Variants in CFAP77 observed in about 807,000 individuals in gnomAD.
CFAP77 encodes cilia- and flagella-associated protein 77.
A neutral mutation model predicts 31.1 loss-of-function variants in CFAP77; 25 were observed. The ratio of observed to expected loss-of-function variants is 0.80; its 90% CI spans 0.59 to 1.12. The LOEUF (loss-of-function observed/expected upper bound fraction) is 1.12. Ranked by LOEUF, CFAP77 falls within the 50% of genes most tolerant of loss-of-function variation. The probability of loss-of-function intolerance (pLI) is 0.00; values close to 1 mark genes in which losing one functional copy is unlikely to be tolerated. For synonymous variants in CFAP77, 151 were observed against 159.9 expected (o/e 0.94, Z 0.42); for missense variants, 377 against 397.3 (o/e 0.95, Z 0.44).
At chr9:132,557,743 C>T (rs1012655283) in intron 5 of CFAP77, among the ~76,000 whole-genome samples, 1 of 152,182 alleles carries the variant, frequency 6.6e-6, no homozygotes, top group Admixed American at 6.5e-5. Flanking sequence ...GCACCTTCCC[C>T]AGCCCCTACC....
rs1564257011 is a variant in CFAP77, at chr9:132,573,093, A to G, written c.*583A>G. 2 of 152,406 alleles carry G rather than the reference A, an allele frequency of 1.3e-5. No homozygotes were observed. The highest frequency in any genetic ancestry group is 1.5e-5 in the Non-Finnish European group (1 of 68,272). 9.4% of individuals were successfully genotyped at this position (152,406 alleles called of 1,614,324 possible). A position where few individuals can be genotyped will look rare whatever the true frequency, so the allele number is the denominator to read the frequency against. ...CCTCCTCAGTGCTGGGGCCCCGTCA[A>G]TCAAGCAGGCCAAGTTGGACTCCTC... On this transcript the variant is annotated 3_prime_UTR_variant, in exon 6 of 6. Coordinates refer to ENST00000393216, the MANE Select transcript of CFAP77 (RefSeq NM_001282957.2).
chr9:132,472,321 C>T (rs1345191217), intron 1 of CFAP77, among the ~76,000 whole-genome samples: 5 of 152,158 alleles, frequency 3.3e-5, no homozygotes, highest in Non-Finnish European at 7.3e-5. Flanking sequence ...AAGTAATTTT[C>T]AAGACTCTTT....
intron 3 of CFAP77, among the ~76,000 whole-genome samples, chr9:132,518,651 A>G (rs1368697032): frequency 2.0e-5 from 3 of 152,156 alleles, no homozygotes; most frequent in Admixed American, 6.5e-5. Flanking sequence ...TTCAGGGTGG[A>G]TCAGGCCCAT....
intron 1 of CFAP77, among the ~76,000 whole-genome samples, chr9:132,467,914 G>C (rs530465910): frequency 2.6e-5 from 4 of 151,942 alleles, no homozygotes; most frequent in Non-Finnish European, 5.9e-5. Flanking sequence ...CTTAACAGGT[G>C]TGAGATGGGG....
chr9:132,458,993 C>T (rs1157201858), intron 1 of CFAP77, among the ~76,000 whole-genome samples: 2 of 151,926 alleles, frequency 1.3e-5, no homozygotes, highest in Non-Finnish European at 2.9e-5. Context: ...AAATTTCCTT[C>T]GGGGTAAAAA....
At chr9:132,459,753 T>A (rs28424126) in intron 1 of CFAP77, among the ~76,000 whole-genome samples, 1 of 140,428 alleles carries the variant, frequency 7.1e-6, no homozygotes, top group Non-Finnish European at 1.5e-5. Context: ...AGTGTGTGTG[T>A]ATGTGTGTGT....
chr9:132,548,286 G>GC (rs1186812725), intron 5 of CFAP77, among the ~76,000 whole-genome samples: 6 of 128,884 alleles, frequency 4.7e-5, no homozygotes, highest in Non-Finnish European at 8.1e-5. Context: ...GGGGGGTGGG[G>GC]GGTGAAGCTG....
chr9:132,562,183 C>A (rs188848064), intron 5 of CFAP77, among the ~76,000 whole-genome samples: 166 of 152,318 alleles, frequency 1.1e-3, no homozygotes, highest in African/African-American at 3.8e-3. Context: ...AACAGTTATC[C>A]TTTCTAAACT....
At position 132,564,878 on chromosome 9, in the gene CFAP77, G is replaced by A. The variant is rs1254406841; in HGVS notation, c.733-7510G>A. Among the ~76,000 whole-genome samples the A allele has an allele frequency of 1.3e-5, 2 of 152,166 alleles. No individual in the cohort carries two copies. Among genetic ancestry groups the A allele is most frequent in the Non-Finnish European group, 2.9e-5 (2 of 68,018 alleles). ...AGTGAGACCTCCGTTCAGGGACTGC[G>A]GTGCTGAGGAAGGGGCCTGCTGTCT... On this transcript the variant is annotated intron_variant, in intron 5 of 5. Coordinates refer to ENST00000393216, the MANE Select transcript of CFAP77 (RefSeq NM_001282957.2). The surrounding 1 kb of genome is among the most constrained non-coding windows in gnomAD (Gnocchi z 4.6).
intron 1 of CFAP77, among the ~76,000 whole-genome samples, chr9:132,453,723 C>G (rs1387909870): frequency 6.6e-6 from 1 of 152,202 alleles, no homozygotes; most frequent in East Asian, 1.9e-4. Flanking sequence ...TCTTGCTGCC[C>G]ACTCTTGTAG....
intron 1 of CFAP77, among the ~76,000 whole-genome samples, chr9:132,432,771 T>C (rs1181928966): frequency 6.6e-6 from 1 of 152,128 alleles, no homozygotes; most frequent in Non-Finnish European, 1.5e-5. Context: ...TGGAGTGCAG[T>C]GGCGCGATCT....
chr9:132,561,661 AC>A (rs869156683), intron 5 of CFAP77, among the ~76,000 whole-genome samples: 1 of 46,460 alleles, frequency 2.2e-5, no homozygotes, highest in Non-Finnish European at 4.2e-5. Context: ...ACACACACAC[AC>A]CCCCTCCATG....
chr9:132,449,999 G>A (rs199568494), intron 1 of CFAP77, among the ~76,000 whole-genome samples: 1 of 152,084 alleles, frequency 6.6e-6, no homozygotes, highest in East Asian at 1.9e-4. Context: ...TGCAAGCTCC[G>A]CCTCCCGGGT....
intron 5 of CFAP77, 68 bp downstream of exon 5, chr9:132,543,115 T>A: frequency 7.7e-7 from 1 of 1,298,096 alleles, no homozygotes; most frequent in Non-Finnish European, 1.1e-6. Context: ...GCCAGGTCCT[T>A]ACCTGCTGTC....
Position 132,428,999 on chromosome 9 carries a change from C to T in CFAP77, c.195+18533C>T, listed in dbSNP as rs945613497. ...ACAAGGTAATCACTAGAGTGTCACC[C>T]TGCATGTTGAACTGGGGACCTCTGT... On this transcript the variant is annotated intron_variant, in intron 1 of 5. Transcript: ENST00000393216. Among the ~76,000 whole-genome samples, 11 of 152,286 alleles carry T rather than the reference C, an allele frequency of 7.2e-5. No homozygotes were observed. In the East Asian group the frequency reaches 2.1e-3, roughly 29 times the overall value.
chr9:132,446,391 T>A (rs1564206711), intron 1 of CFAP77, among the ~76,000 whole-genome samples: 1 of 151,614 alleles, frequency 6.6e-6, no homozygotes, highest in Non-Finnish European at 1.5e-5. Context: ...GAAGCCCCGA[T>A]AGATCGCGTG....
intron 1 of CFAP77, among the ~76,000 whole-genome samples, chr9:132,453,643 G>A (rs1850868146): frequency 1.3e-5 from 2 of 152,216 alleles, no homozygotes; most frequent in Non-Finnish European, 2.9e-5. Flanking sequence ...GAAACCGTTT[G>A]TTTTCATAAA....
At chr9:132,562,986 C>G (rs1282563256) in intron 5 of CFAP77, among the ~76,000 whole-genome samples, 1 of 152,008 alleles carries the variant, frequency 6.6e-6, no homozygotes, top group Non-Finnish European at 1.5e-5. Flanking sequence ...GTGTGAGCCA[C>G]CCCACCTGGC....
intron 3 of CFAP77, among the ~76,000 whole-genome samples, chr9:132,534,610 C>CAAAAAAAAAAAAAAAAAAAAAAAAAAA (rs201151199): frequency 1.6e-5 from 1 of 64,116 alleles, no homozygotes; most frequent in Non-Finnish European, 3.4e-5. Flanking sequence ...GACTCTGTCT[C>CAAAAAAAAAAAAAAAAAAAAAAAAAAA]AAAAAAAAAA....
Sources: gnomAD v4.1 joint callset for allele counts (sites outside exome capture counted in the v4.1 genomes callset) on GRCh38, gnomAD v4.1.1 for gene constraint, Gnocchi (gnomAD v3.1) non-coding constraint, MANE v1.5 for transcripts, NCBI Gene and HGNC (gene_info 2026-07-23, HGNC 2026-07-21) for gene names.